PKHD1: variants seen among roughly 807,000 people sequenced by gnomAD.
The protein encoded by PKHD1 is PKHD1 ciliary IPT domain containing fibrocystin/polyductin.
Under a neutral mutation model 412.0 loss-of-function variants are expected in PKHD1, and 291 were observed. The ratio of observed to expected loss-of-function variants is 0.71; its 90% CI spans 0.64 to 0.78. The LOEUF is 0.78. Ranked by LOEUF, PKHD1 falls within the 30% of genes least tolerant of loss-of-function variation. The pLI, the probability that PKHD1 is intolerant of heterozygous loss-of-function variation, is 0.00. For missense variants in PKHD1, 4,825 were observed against 4,950.7 expected (o/e 0.97, Z 0.76); for synonymous variants, 1,777 against 1,821.5 (o/e 0.98, Z 0.62).
chr6:51,950,099 T>A (rs1790084487), intron 36 of PKHD1, among the ~76,000 whole-genome samples: 1 of 151,462 alleles, frequency 6.6e-6, no homozygotes, highest in African/African-American at 2.4e-5. Flanking sequence ...TAGAAAGTGT[T>A]TGCAAAAATG....
intron 29 of PKHD1, among the ~76,000 whole-genome samples, chr6:52,029,868 A>G (rs1802780596): frequency 6.6e-6 from 1 of 152,226 alleles, no homozygotes; most frequent in Non-Finnish European, 1.5e-5. Flanking sequence ...AAAGACTTGT[A>G]AGCAAGGAAA....
At chr6:51,836,955 A>G (rs1331761266) in intron 50 of PKHD1, among the ~76,000 whole-genome samples, 1 of 152,124 alleles carries the variant, frequency 6.6e-6, no homozygotes, top group African/African-American at 2.4e-5. Context: ...CCTATCATCC[A>G]AGCCAACTGA....
intron 53 of PKHD1, among the ~76,000 whole-genome samples, chr6:51,785,793 G>A (rs1022523792): frequency 1.3e-5 from 2 of 151,976 alleles, no homozygotes; most frequent in Non-Finnish European, 2.9e-5. Flanking sequence ...AATCTGTTTG[G>A]CCAGTTTTAT....
At chr6:51,799,137 T>C (rs1251559569) in intron 52 of PKHD1, among the ~76,000 whole-genome samples, 3 of 148,562 alleles carry the variant, frequency 2.0e-5, no homozygotes, top group Non-Finnish European at 4.5e-5. Context: ...ATTTAACCCA[T>C]AATAGATGGT....
chr6:51,741,028 T>C, intron 60 of PKHD1: 1 of 506,534 alleles, frequency 2.0e-6, no homozygotes, highest in Non-Finnish European at 3.9e-6. Context: ...CACACACTGA[T>C]AGTAAATCGT....
chr6:51,790,484 C>A (rs1793570952), intron 53 of PKHD1, among the ~76,000 whole-genome samples: 1 of 152,156 alleles, frequency 6.6e-6, no homozygotes, highest in Non-Finnish European at 1.5e-5. Context: ...CCTACTGATT[C>A]TCTGGTCCTT....
chr6:51,747,566 TA>T (rs1785368409), intron 58 of PKHD1, among the ~76,000 whole-genome samples: 1 of 152,132 alleles, frequency 6.6e-6, no homozygotes, highest in South Asian at 2.1e-4. Context: ...TAAATTTTAT[TA>T]AAAAATAATA....
At chr6:51,956,122 C>G (rs1451782398) in intron 36 of PKHD1, among the ~76,000 whole-genome samples, 1 of 151,990 alleles carries the variant, frequency 6.6e-6, no homozygotes, top group African/African-American at 2.4e-5. Context: ...TAGTTCTTCA[C>G]CAGTGAAGAC....
intron 55 of PKHD1, among the ~76,000 whole-genome samples, chr6:51,761,233 T>A (rs923115754): frequency 5.3e-5 from 8 of 152,116 alleles, no homozygotes; most frequent in African/African-American, 1.9e-4. Context: ...CACTCTGGAA[T>A]ACTATTCAGC....
intron 60 of PKHD1, among the ~76,000 whole-genome samples, chr6:51,736,641 A>C (rs915511438): frequency 5.3e-5 from 8 of 152,206 alleles, no homozygotes; most frequent in African/African-American, 1.9e-4. Flanking sequence ...GGGGCCTGTA[A>C]TTGCTTGGGA....
chr6:51,783,800 A>G (rs1217356317), intron 53 of PKHD1, among the ~76,000 whole-genome samples: 1 of 152,192 alleles, frequency 6.6e-6, no homozygotes, highest in African/African-American at 2.4e-5. Context: ...AAATGAAAAT[A>G]CTTTGAATCC....
chr6:52,031,773 C>T (rs1402374029), intron 29 of PKHD1, among the ~76,000 whole-genome samples: 1 of 152,180 alleles, frequency 6.6e-6, no homozygotes, highest in Admixed American at 6.5e-5. Context: ...AAGGCTACGA[C>T]ACTTCGTGGA....
At chr6:51,956,675 TGG>T (rs34848344) in intron 36 of PKHD1, among the ~76,000 whole-genome samples, 9 of 151,968 alleles carry the variant, frequency 5.9e-5, no homozygotes, top group Non-Finnish European at 1.3e-4. Context: ...TAAAGAGTCC[TGG>T]GGGGTGGCTG....
At chr6:51,740,342 T>C (rs1784413492) in intron 60 of PKHD1, among the ~76,000 whole-genome samples, 1 of 152,222 alleles carries the variant, frequency 6.6e-6, no homozygotes, top group Non-Finnish European at 1.5e-5. Flanking sequence ...TGTGGATATC[T>C]GTCTGGGTGA....
intron 65 of PKHD1, among the ~76,000 whole-genome samples, chr6:51,632,359 T>A (rs1466593992): frequency 6.6e-6 from 1 of 152,176 alleles, no homozygotes; most frequent in Non-Finnish European, 1.5e-5. Context: ...AACATGAGTT[T>A]TTATTATTAT....
At chr6:51,760,899 T>C (rs776984891) in intron 55 of PKHD1, among the ~76,000 whole-genome samples, 28 of 152,200 alleles carry the variant, frequency 1.8e-4, no homozygotes, top group South Asian at 4.1e-4. Context: ...AGACACCTCA[T>C]ACCTGTCAAA....
intron 60 of PKHD1, among the ~76,000 whole-genome samples, chr6:51,668,684 T>C (rs1475604738): frequency 6.6e-6 from 1 of 152,182 alleles, no homozygotes; most frequent in Admixed American, 6.5e-5. Flanking sequence ...CTGTGGGTTT[T>C]TCATAGATAG....
intron 60 of PKHD1, among the ~76,000 whole-genome samples, chr6:51,713,908 T>C (rs1208490903): frequency 6.6e-6 from 1 of 152,184 alleles, no homozygotes; most frequent in Non-Finnish European, 1.5e-5. Flanking sequence ...TTAGCACAAC[T>C]AGTCTCTCAC....
intron 29 of PKHD1, among the ~76,000 whole-genome samples, chr6:52,030,407 T>C: frequency 6.6e-6 from 1 of 152,314 alleles, no homozygotes; most frequent in African/African-American, 2.4e-5. Context: ...TTAATTAACT[T>C]CATTTTCTTC....
Sources: gnomAD v4.1 joint callset for allele counts (sites outside exome capture counted in the v4.1 genomes callset) on GRCh38, gnomAD v4.1.1 for gene constraint, MANE v1.5 for transcripts, NCBI Gene and HGNC (gene_info 2026-07-23, HGNC 2026-07-21) for gene names.